Variants in MYO10 observed in about 807,000 individuals in gnomAD.
MYO10 encodes unconventional myosin-X.
A neutral mutation model predicts 257.3 loss-of-function variants in MYO10; 133 were observed. The observed-to-expected ratio is 0.52, with a 90% CI of 0.45 to 0.60. The LOEUF is 0.60. MYO10 is among the 20% of genes least tolerant of loss of function. MYO10 has a pLI of 0.00. For missense variants in MYO10, 2,399 were observed against 2,635.7 expected, an observed-to-expected ratio of 0.91 and a Z score of 1.97; for synonymous variants, 1,104 against 1,028.6, an observed-to-expected ratio of 1.07 and a Z score of -1.40.
In MYO10 at chr5:16,711,242, G is replaced by C; in HGVS notation, c.1933C>G (p.Pro645Ala). The change falls in exon 20 of 41, where the codon CCA becomes GCA. Residue 645 changes from proline (P) to alanine (A), a missense_variant. Pro to Ala is a conservative substitution (Grantham distance 27). Coordinates refer to ENST00000513610, the MANE Select transcript of MYO10 (RefSeq NM_012334.3). Reference sequence around the variant, plus strand: ...ACAACCGCCTGGTCAAACTGGTCTGGCATCTAAACCATGCAAAAAAAAAAG... The same window carrying C: ...ACAACCGCCTGGTCAAACTGGTCTGCCATCTAAACCATGCAAAAAAAAAAG... ...RCIKPNMQKM[P>A]DQFDQAVVLN... The C allele has an allele frequency of 6.3e-7, 1 of 1,579,410 alleles. No individual in the cohort carries two copies. Among genetic ancestry groups the C allele is most frequent in the Non-Finnish European group, 8.6e-7 (1 of 1,166,220 alleles).
At chr5:16,815,442 G>A in intron 3 of MYO10, 1 of 701,166 alleles carries the variant, frequency 1.4e-6, no homozygotes, top group Admixed American at 2.0e-5. Context: ...TTTTGGATTA[G>A]GTATATTCAA....
chr5:16,719,726 G>A (rs1481363161), intron 19 of MYO10, among the ~76,000 whole-genome samples: 1 of 152,190 alleles, frequency 6.6e-6, no homozygotes, highest in African/African-American at 2.4e-5. Flanking sequence ...CACTTTGGGA[G>A]GCTGAGGTGG....
chr5:16,895,362 T>C (rs1193431185), intron 1 of MYO10, among the ~76,000 whole-genome samples: 1 of 152,190 alleles, frequency 6.6e-6, no homozygotes, highest in African/African-American at 2.4e-5. Context: ...GTCTGAGGTC[T>C]GTCCATCAAA....
chr5:16,713,548 CA>C, intron 19 of MYO10: 1 of 939,388 alleles, frequency 1.1e-6, no homozygotes, highest in Non-Finnish European at 1.3e-6. Flanking sequence ...TTGACACAGC[CA>C]GGGGAGGGGA....
chr5:16,685,644 G>A, intron 29 of MYO10, 94 bp downstream of exon 29: 1 of 956,376 alleles, frequency 1.0e-6, no homozygotes, highest in South Asian at 1.5e-5. Context: ...AGACTGTCTG[G>A]AAATTCCCAA....
intron 18 of MYO10, among the ~76,000 whole-genome samples, chr5:16,755,790 C>T (rs1332397394): frequency 6.8e-6 from 1 of 147,030 alleles, no homozygotes; most frequent in Non-Finnish European, 1.5e-5. Flanking sequence ...AATGAGTTCT[C>T]ATTACCAGCT....
intron 9 of MYO10, among the ~76,000 whole-genome samples, chr5:16,778,764 C>T (rs1741310311): frequency 6.8e-6 from 1 of 147,034 alleles, no homozygotes; most frequent in Non-Finnish European, 1.5e-5. Flanking sequence ...GATCTCGGCT[C>T]ACTGCAAGCT....
chr5:16,837,341 G>A lies in MYO10; in HGVS notation c.121-19174C>T, dbSNP rs369369192. Among the ~76,000 whole-genome samples the A allele has an allele frequency of 3.2e-4, 48 of 152,144 alleles. 1 individual carries two copies. In the East Asian group the frequency reaches 5.4e-3, roughly 17 times the overall value. On this transcript the variant is annotated intron_variant, in intron 2 of 40. Transcript: ENST00000513610. ...AAAAAAAAACATACTGACGAACCTT[G>A]TAAATATGCTAAGTGAAAGAGTCCA...
At chr5:16,713,359 A>G (rs1183820648) in intron 19 of MYO10, 52 of 985,612 alleles carry the variant, frequency 5.3e-5, no homozygotes, top group Non-Finnish European at 6.1e-5. Flanking sequence ...GGGGCATCTC[A>G]CCTTCAGTTT....
chr5:16,701,235 C>T lies in MYO10; in HGVS notation c.3160G>A (p.Ala1054Thr), dbSNP rs778980733. The change falls in exon 25 of 41, where the codon GCC (alanine) becomes ACC (threonine). Residue 1054 changes from alanine (A) to threonine (T), a missense_variant. Around this residue, in one of 3 missense-constraint regions of MYO10, gnomAD observed 1,820 missense variants for 1,939.4 expected, o/e 0.94. Transcript: ENST00000513610. This position sits in a 1 kb window ranked among gnomAD's most constrained non-coding sequence, Gnocchi z 8.1. ...SPSADSTVLL[A>T]PSVQDSGSLH... Reference sequence around the variant, plus strand: ...CTCCCGGAGTCCTGCACTGATGGGGCGAGCAGCACCGTGCTGTCCGCACTG... The same window carrying T: ...CTCCCGGAGTCCTGCACTGATGGGGTGAGCAGCACCGTGCTGTCCGCACTG... The T allele has an allele frequency of 8.7e-6, 14 of 1,612,404 alleles. No individual in the cohort carries two copies. Among genetic ancestry groups the T allele is most frequent in the African/African-American group, 4.0e-5 (3 of 74,894 alleles).
At chr5:16,796,498 G>A (rs78833262) in intron 3 of MYO10, among the ~76,000 whole-genome samples, 3 of 106,156 alleles carry the variant, frequency 2.8e-5, no homozygotes, top group African/African-American at 5.9e-5. Context: ...AAAGAAAGAA[G>A]GAAAATAAAT....
intron 26 of MYO10, 91 bp downstream of exon 26, chr5:16,699,359 C>G: frequency 6.7e-7 from 1 of 1,486,954 alleles, no homozygotes; most frequent in South Asian, 1.3e-5. Context: ...ACAATAACAC[C>G]TCCGTTATTT....
chr5:16,698,764 C>G (rs913495271), intron 26 of MYO10, among the ~76,000 whole-genome samples: 2 of 149,984 alleles, frequency 1.3e-5, no homozygotes, highest in African/African-American at 5.1e-5. Flanking sequence ...GCTGGCACTA[C>G]AGGAGCCCGC....
At chr5:16,674,520 A>T (rs920957682) in intron 35 of MYO10, among the ~76,000 whole-genome samples, 4 of 151,948 alleles carry the variant, frequency 2.6e-5, no homozygotes, top group East Asian at 3.9e-4. Flanking sequence ...TCAAAATCTC[A>T]ATTAGATTGT....
At chr5:16,738,614 C>A (rs1339267453) in intron 19 of MYO10, among the ~76,000 whole-genome samples, 2 of 151,836 alleles carry the variant, frequency 1.3e-5, no homozygotes, top group African/African-American at 4.8e-5. Context: ...AAAAAGAGGC[C>A]GAGCATGGTG....
chr5:16,876,126 AT>A (rs1248454853), intron 2 of MYO10, among the ~76,000 whole-genome samples: 2 of 152,154 alleles, frequency 1.3e-5, no homozygotes, highest in African/African-American at 2.4e-5. Flanking sequence ...AAATAAAAAA[AT>A]AAATAAAAAT....
chr5:16,909,238 G>A (rs1272356921), intron 1 of MYO10, among the ~76,000 whole-genome samples: 3 of 152,160 alleles, frequency 2.0e-5, no homozygotes, highest in Non-Finnish European at 4.4e-5. Context: ...GCCAGGTGCG[G>A]TGGCTCACGC....
chr5:16,851,726 T>C (rs1482936943), intron 2 of MYO10, among the ~76,000 whole-genome samples: 2 of 152,154 alleles, frequency 1.3e-5, no homozygotes, highest in Non-Finnish European at 2.9e-5. Context: ...AATTAATATA[T>C]AAATTAGGAT....
At chr5:16,891,132 T>C (rs921231449) in intron 1 of MYO10, among the ~76,000 whole-genome samples, 2 of 151,350 alleles carry the variant, frequency 1.3e-5, no homozygotes, top group Admixed American at 6.6e-5. Context: ...AAACATAACA[T>C]TAGAAAATTA....
Sources: gnomAD v4.1 joint callset for allele counts (sites outside exome capture counted in the v4.1 genomes callset) on GRCh38, gnomAD v4.1.1 for gene constraint, gnomAD v4.1.1 regional missense constraint, Gnocchi (gnomAD v3.1) non-coding constraint, MANE v1.5 for transcripts, NCBI Gene and HGNC (gene_info 2026-07-23, HGNC 2026-07-21) for gene names.